The following SV2B variants were observed in gnomAD, a reference collection of about 807,000 sequenced individuals.
SV2B encodes the protein solute carrier family 22 member B2.
Under a neutral mutation model 73.9 loss-of-function variants are expected in SV2B, and 41 were observed. The observed-to-expected ratio is 0.56, with a 90% CI of 0.43 to 0.72. The LOEUF (loss-of-function observed/expected upper bound fraction) is 0.72. Ranked by LOEUF, SV2B falls within the 30% of genes least tolerant of loss-of-function variation. SV2B has a pLI of 0.00. For missense variants in SV2B, 764 were observed against 857.8 expected, an observed-to-expected ratio of 0.89 and a Z score of 1.37; for synonymous variants, 314 against 314.2, an observed-to-expected ratio of 1.00 and a Z score of 0.01.
chr15:91,135,876 G>T (rs1205244204), intron 1 of SV2B, among the ~76,000 whole-genome samples: 2 of 152,102 alleles, frequency 1.3e-5, no homozygotes, highest in Admixed American at 1.3e-4. Flanking sequence ...ACCCAGGTCT[G>T]CCTCTCCTAA....
intron 1 of SV2B, among the ~76,000 whole-genome samples, chr15:91,111,423 A>T (rs924666275): frequency 5.3e-5 from 8 of 152,178 alleles, no homozygotes; most frequent in Non-Finnish European, 2.9e-5. Context: ...CTCATTAATT[A>T]ATACTTAGAG....
chr15:91,112,881 G>A (rs1375744149), intron 1 of SV2B, among the ~76,000 whole-genome samples: 8 of 152,246 alleles, frequency 5.3e-5, no homozygotes, highest in Non-Finnish European at 7.4e-5. Context: ...CAGTGGTGCC[G>A]TCATGGCTCA....
Position 91,223,974 on chromosome 15 carries a change from C to T in SV2B, c.-391-1899C>T, listed in dbSNP as rs990080160. On this transcript the variant is annotated intron_variant, in intron 1 of 12. Transcript: ENST00000394232. The surrounding 1 kb of genome is among the most constrained non-coding windows in gnomAD (Gnocchi z 4.6). ...CCTGGAATTGGCATTTCTGTTGAGC[C>T]GCCCACGTTCTGAGTGGTGCTTCAC... Among the ~76,000 whole-genome samples the T allele has an allele frequency of 3.9e-5, 6 of 152,188 alleles. No homozygotes were observed. The highest frequency in any genetic ancestry group is 8.8e-5 in the Non-Finnish European group (6 of 68,040).
In SV2B at chr15:91,236,430, G is replaced by T. The variant is rs953340281; in HGVS notation, c.451+9716G>T. The stretch of plus-strand genomic sequence containing the variant: ...GGAAAATATGATCTTCCAGACCACA[G>T]AAAGCACAACAGAAATGAATGGGAG... On this transcript the variant is annotated intron_variant, in intron 2 of 12. Coordinates refer to ENST00000394232, the MANE Select transcript of SV2B (RefSeq NM_001323032.3). This position sits in a 1 kb window ranked among gnomAD's most constrained non-coding sequence, Gnocchi z 4.1. 6.6e-6 allele frequency among the ~76,000 whole-genome samples: 1 copy of T among 152,114 alleles called. No individual in the cohort carries two copies. Among genetic ancestry groups the T allele is most frequent in the Non-Finnish European group, 1.5e-5 (1 of 68,012 alleles).
chr15:91,194,553 A>T (rs904130995), intron 1 of SV2B, among the ~76,000 whole-genome samples: 1 of 152,196 alleles, frequency 6.6e-6, no homozygotes, highest in Non-Finnish European at 1.5e-5. Flanking sequence ...TCTCTCTGAA[A>T]CTTTCTGGAA....
At chr15:91,180,074 T>G (rs981936323) in intron 1 of SV2B, among the ~76,000 whole-genome samples, 11 of 152,098 alleles carry the variant, frequency 7.2e-5, no homozygotes, top group African/African-American at 2.4e-4. Flanking sequence ...AGGAGCTCTT[T>G]TAGGGCAGGC....
At chr15:91,226,845 T>C in intron 2 of SV2B, 131 bp downstream of exon 2, 1 of 1,155,348 alleles carries the variant, frequency 8.7e-7, no homozygotes, top group Non-Finnish European at 1.2e-6. Context: ...ATTTTTGTCT[T>C]AGAGAAATCA....
At chr15:91,217,555 A>T (rs1331973762) in intron 1 of SV2B, among the ~76,000 whole-genome samples, 1 of 152,214 alleles carries the variant, frequency 6.6e-6, no homozygotes, top group East Asian at 1.9e-4. Context: ...CCTAGAACTT[A>T]AAGTATAATA....
Position 91,267,805 on chromosome 15 carries a change from C to CTTT in SV2B, c.1208+176_1208+178dup, listed in dbSNP as rs56033749. Among the ~76,000 whole-genome samples, 91 of 141,894 alleles carry CTTT rather than the reference C, an allele frequency of 6.4e-4. 1 individual carries two copies. Among genetic ancestry groups the CTTT allele is most frequent in the Middle Eastern group, 3.7e-3 (1 of 272 alleles). 93.1% of individuals were successfully genotyped at this position (141,894 alleles called of 152,430 possible). Reference sequence around the variant, plus strand: ...TCTAGTGGCTTCTACAAAGAAGAAACTTTTTTTTTTTTTTTTGAGACAGAG... The same window carrying CTTT: ...TCTAGTGGCTTCTACAAAGAAGAAACTTTTTTTTTTTTTTTTTTTGAGACAGAG... On this transcript the variant is annotated intron_variant, in intron 8 of 12. Transcript: ENST00000394232. This position sits in a 1 kb window ranked among gnomAD's most constrained non-coding sequence, Gnocchi z 4.3.
At chr15:91,166,558 T>C (rs2043918383) in intron 1 of SV2B, among the ~76,000 whole-genome samples, 1 of 151,982 alleles carries the variant, frequency 6.6e-6, no homozygotes, top group Non-Finnish European at 1.5e-5. Flanking sequence ...TATCTTTTTC[T>C]CCTCCTCTTT....
In SV2B at chr15:91,121,488, A is replaced by G. The variant is rs2042334310; in HGVS notation, c.-392+21125A>G. Among the ~76,000 whole-genome samples, 1 of 152,076 alleles carries G rather than the reference A, an allele frequency of 6.6e-6. No homozygotes were observed. The highest frequency in any genetic ancestry group is 1.5e-5 in the Non-Finnish European group (1 of 68,008). Reference sequence around the variant, plus strand: ...TATTTTCCCATAATTCTTGGGTAGAATCTTGCTTCTTTTTCTTTCATGTCT... The same window carrying G: ...TATTTTCCCATAATTCTTGGGTAGAGTCTTGCTTCTTTTTCTTTCATGTCT... On this transcript the variant is annotated intron_variant, in intron 1 of 12. Transcript: ENST00000394232. The surrounding 1 kb of genome is among the most constrained non-coding windows in gnomAD (Gnocchi z 4.4).
intron 6 of SV2B, among the ~76,000 whole-genome samples, chr15:91,263,332 A>G (rs527953310): frequency 1.3e-5 from 2 of 152,202 alleles, no homozygotes; most frequent in South Asian, 4.2e-4. Context: ...AGAGGCACAC[A>G]TACAGACACA....
chr15:91,283,931 C>T lies in SV2B; in HGVS notation c.1508-90C>T, dbSNP rs752983702. ...GGCAAAGGCTGGCACAGCCTGCCTA[C>T]AGGAGGGGGCAGACTTCATCCCTGC... On this transcript the variant is annotated intron_variant, in intron 10 of 12. Coordinates refer to ENST00000394232, the MANE Select transcript of SV2B (RefSeq NM_001323032.3). The surrounding 1 kb of genome is among the most constrained non-coding windows in gnomAD (Gnocchi z 4.3). The T allele has an allele frequency of 1.2e-4, 163 of 1,368,652 alleles. 1 individual carries two copies. The highest frequency in any genetic ancestry group is 1.6e-4 in the Non-Finnish European group (152 of 974,782). The allele number at this position is 1,368,652 out of a possible 1,614,324, so 84.8% of individuals were successfully genotyped here.
chr15:91,154,391 C>T (rs530351998), intron 1 of SV2B, among the ~76,000 whole-genome samples: 31 of 152,022 alleles, frequency 2.0e-4, no homozygotes, highest in African/African-American at 3.4e-4. Context: ...GTCAGGGGTC[C>T]AGGAGATACT....
At chr15:91,244,937 A>T (rs1415338180) in intron 2 of SV2B, among the ~76,000 whole-genome samples, 1 of 152,258 alleles carries the variant, frequency 6.6e-6, no homozygotes, top group East Asian at 1.9e-4. Context: ...GAAGCTCATA[A>T]TCCTCTCAGG....
Position 91,267,548 on chromosome 15 carries a change from G to T in SV2B, c.1120-7G>T, listed in dbSNP as rs1011762093. 2 of 1,609,212 alleles carry T rather than the reference G, an allele frequency of 1.2e-6. No individual in the cohort carries two copies. The highest frequency in any genetic ancestry group is 1.3e-5 in the African/African-American group (1 of 74,846). On this transcript the variant is annotated splice_region_variant and splice_polypyrimidine_tract_variant and intron_variant, in intron 7 of 12. Coordinates refer to ENST00000394232, the MANE Select transcript of SV2B (RefSeq NM_001323032.3). This position sits in a 1 kb window ranked among gnomAD's most constrained non-coding sequence, Gnocchi z 4.3. ...CTTTAACAATCCTTCTCTGGTATGG[G>T]TTGTAGGTCTGGGATAATGCCCTGT... is the stretch of plus-strand genomic sequence containing the variant.
chr15:91,251,796 T>G, intron 2 of SV2B, 23 bp from the exon 3 acceptor site: 1 of 1,611,166 alleles, frequency 6.2e-7, no homozygotes, highest in Non-Finnish European at 8.5e-7. Context: ...CTCTATTCTC[T>G]CCTCTCCTCC....
At chr15:91,187,564 A>G (rs1567326658) in intron 1 of SV2B, among the ~76,000 whole-genome samples, 1 of 152,222 alleles carries the variant, frequency 6.6e-6, no homozygotes, top group Non-Finnish European at 1.5e-5. Context: ...TCAGCACAGT[A>G]AAGCTTCTTG....
chr15:91,109,826 C>G (rs1442065722), intron 1 of SV2B, among the ~76,000 whole-genome samples: 1 of 152,144 alleles, frequency 6.6e-6, no homozygotes, highest in Non-Finnish European at 1.5e-5. Flanking sequence ...ACCTCTGCCT[C>G]TTGGGCCCAA....
Sources: gnomAD v4.1 joint callset for allele counts (sites outside exome capture counted in the v4.1 genomes callset) on GRCh38, gnomAD v4.1.1 for gene constraint, Gnocchi (gnomAD v3.1) non-coding constraint, MANE v1.5 for transcripts, NCBI Gene and HGNC (gene_info 2026-07-23, HGNC 2026-07-21) for gene names.